HPSE2: variants seen among roughly 807,000 people sequenced by gnomAD.
The protein encoded by HPSE2 is inactive heparanase-2.
Under a neutral mutation model 60.5 loss-of-function variants are expected in HPSE2, and 38 were observed. The ratio of observed to expected loss-of-function variants is 0.63; its 90% CI spans 0.48 to 0.82. HPSE2 has a LOEUF of 0.82. Among genes scored for constraint, HPSE2 ranks in the 40% least tolerant of loss-of-function variants. The probability of loss-of-function intolerance (pLI) is 0.00; values close to 1 mark genes in which losing one functional copy is unlikely to be tolerated. For missense variants in HPSE2, 713 were observed against 740.4 expected, an observed-to-expected ratio of 0.96 and a Z score of 0.43; for synonymous variants, 295 against 293.2, an observed-to-expected ratio of 1.01 and a Z score of -0.06.
intron 9 of HPSE2, among the ~76,000 whole-genome samples, chr10:98,539,325 C>T (rs10883120): frequency 0.45 from 68,745 of 151,898 alleles, 18,580 homozygotes; most frequent in South Asian, 0.59. Context: ...AGTTCGAGAC[C>T]AGCCTAACCA....
intron 3 of HPSE2, among the ~76,000 whole-genome samples, chr10:99,063,370 G>C (rs897735230): frequency 2.0e-5 from 3 of 151,718 alleles, no homozygotes; most frequent in African/African-American, 7.3e-5. Context: ...TAGGCAATTT[G>C]CAGAAGAAAT....
intron 5 of HPSE2, among the ~76,000 whole-genome samples, chr10:98,715,820 G>T (rs1261618301): frequency 3.3e-5 from 5 of 152,008 alleles, no homozygotes; most frequent in African/African-American, 1.2e-4. Context: ...GGATGGTGCT[G>T]ACTGATCAAG....
intron 3 of HPSE2, among the ~76,000 whole-genome samples, chr10:99,015,578 A>C (rs1217687710): frequency 3.3e-5 from 5 of 152,048 alleles, no homozygotes; most frequent in Non-Finnish European, 7.4e-5. Flanking sequence ...ACAAAAAACC[A>C]AACACTGCAT....
intron 6 of HPSE2, among the ~76,000 whole-genome samples, chr10:98,691,974 AAT>A (rs1948087718): frequency 6.6e-6 from 1 of 152,182 alleles, no homozygotes; most frequent in African/African-American, 2.4e-5. Context: ...GTACTTGGTG[AAT>A]TGAATAAGTG....
At chr10:98,544,691 C>T (rs1402553369) in intron 9 of HPSE2, among the ~76,000 whole-genome samples, 6 of 116,728 alleles carry the variant, frequency 5.1e-5, no homozygotes, top group Non-Finnish European at 8.2e-5. Flanking sequence ...CCAGCCTGGG[C>T]GACAGAGCGA....
rs552111885 is a variant in HPSE2, at chr10:99,081,051, C to A, written c.610+63187G>T. On this transcript the variant is annotated intron_variant, in intron 3 of 11. Transcript: ENST00000370552. ...CCTCGTGATCCACCCACCTCGGCCTCCCAAAGTGCTGGGATTACAGGGGTG... is the reference window on the plus strand; with the variant it reads ...CCTCGTGATCCACCCACCTCGGCCTACCAAAGTGCTGGGATTACAGGGGTG... 1.8e-3 allele frequency among the ~76,000 whole-genome samples: 271 copies of A among 152,322 alleles called. 2 individuals are homozygous for A. Among genetic ancestry groups the A allele is most frequent in the African/African-American group, 6.3e-3 (263 of 41,576 alleles).
At chr10:98,939,559 C>A (rs1336248254) in intron 3 of HPSE2, among the ~76,000 whole-genome samples, 1 of 143,670 alleles carries the variant, frequency 7.0e-6, no homozygotes, top group Non-Finnish European at 1.5e-5. Context: ...GCACCCAATA[C>A]AGGAGCACCC....
the HPSE2 span, among the ~76,000 whole-genome samples, chr10:99,305,245 C>T: frequency 1.3e-5 from 2 of 152,116 alleles, no homozygotes; most frequent in Non-Finnish European, 2.9e-5. Context: ...TTTGAAGCTT[C>T]ATGGGGTGGA....
At chr10:98,889,665 A>C (rs542082093) in intron 3 of HPSE2, among the ~76,000 whole-genome samples, 7 of 152,302 alleles carry the variant, frequency 4.6e-5, no homozygotes, top group African/African-American at 1.7e-4. Flanking sequence ...CAAGGGAGTC[A>C]AGTGGGCCCT....
chr10:98,572,963 T>C (rs1944541346), intron 9 of HPSE2, among the ~76,000 whole-genome samples: 1 of 152,170 alleles, frequency 6.6e-6, no homozygotes, highest in South Asian at 2.1e-4. Flanking sequence ...CGACTATGGT[T>C]CCTGACCTCA....
intron 5 of HPSE2, among the ~76,000 whole-genome samples, chr10:98,705,145 T>C (rs528246592): frequency 2.2e-4 from 33 of 152,118 alleles, no homozygotes; most frequent in African/African-American, 7.2e-4. Context: ...TGAACAAATA[T>C]ATGAAAAAAA....
intron 3 of HPSE2, among the ~76,000 whole-genome samples, chr10:99,071,883 T>A (rs972275957): frequency 1.3e-5 from 2 of 152,176 alleles, no homozygotes; most frequent in Non-Finnish European, 1.5e-5. Context: ...TGTAAATGGG[T>A]CAACTGGGTT....
At chr10:99,178,780 T>C (rs776983152) in intron 2 of HPSE2, among the ~76,000 whole-genome samples, 4 of 152,124 alleles carry the variant, frequency 2.6e-5, no homozygotes, top group Admixed American at 6.6e-5. Context: ...GAGCCCAACA[T>C]CATTCTGATA....
chr10:98,810,504 G>A (rs543536382), intron 3 of HPSE2, among the ~76,000 whole-genome samples: 13 of 152,032 alleles, frequency 8.6e-5, no homozygotes, highest in Non-Finnish European at 1.8e-4. Flanking sequence ...GTTACAACCC[G>A]GCTTTCCCTT....
At chr10:99,244,380 C>A in the HPSE2 span, among the ~76,000 whole-genome samples, 27,503 of 101,650 alleles carry the variant, frequency 0.27, 4,699 homozygotes, top group African/African-American at 0.53. Context: ...ATTTTTATTT[C>A]TTTTATTATT....
At chr10:99,148,264 C>T (rs1221378474) in intron 2 of HPSE2, among the ~76,000 whole-genome samples, 2 of 152,180 alleles carry the variant, frequency 1.3e-5, no homozygotes, top group Non-Finnish European at 2.9e-5. Flanking sequence ...GCAGACAAAA[C>T]ACCTTTCTAA....
intron 9 of HPSE2, among the ~76,000 whole-genome samples, chr10:98,591,126 C>A (rs1589465517): frequency 1.3e-5 from 2 of 150,928 alleles, no homozygotes; most frequent in African/African-American, 4.9e-5. Flanking sequence ...AAATAGGGAT[C>A]AAAAAAAAAG....
At chr10:98,688,492 T>C (rs1235596570) in intron 6 of HPSE2, among the ~76,000 whole-genome samples, 2 of 145,320 alleles carry the variant, frequency 1.4e-5, no homozygotes, top group Non-Finnish European at 3.0e-5. Context: ...TTTTTTTTTT[T>C]TGAGGCAGAA....
intron 2 of HPSE2, among the ~76,000 whole-genome samples, chr10:99,186,104 CCACACA>C (rs527839752): frequency 0.011 from 859 of 80,742 alleles, 7 homozygotes; most frequent in African/African-American, 0.022. Flanking sequence ...GGATAAATAA[CCACACA>C]CACACACACA....
Sources: allele counts gnomAD v4.1 joint callset (sites outside exome capture counted in the v4.1 genomes callset), GRCh38; gene constraint gnomAD v4.1.1; transcripts MANE v1.5; gene names NCBI Gene and HGNC (gene_info 2026-07-23, HGNC 2026-07-21).